PCDHA11: variants seen among roughly 807,000 people sequenced by gnomAD.
PCDHA11 encodes the protein protocadherin alpha-11.
A neutral mutation model predicts 70.3 loss-of-function variants in PCDHA11; 61 were observed. The ratio of observed to expected loss-of-function variants is 0.87; its 90% CI spans 0.71 to 1.07. PCDHA11 has a LOEUF of 1.07. PCDHA11 is among the 50% of genes least tolerant of loss of function. PCDHA11 has a pLI of 0.00. For synonymous variants in PCDHA11, 633 were observed against 555.1 expected, an observed-to-expected ratio of 1.14 and a Z score of -1.97; for missense variants, 1,324 against 1,237.5, an observed-to-expected ratio of 1.07 and a Z score of -1.05.
chr5:140,882,605 C>T (rs1554174797), intron 1 of PCDHA11: 2 of 1,614,120 alleles, frequency 1.2e-6, no homozygotes, highest in Non-Finnish European at 1.7e-6. Context: ...CGTGGACAGG[C>T]CTCTGCAGGT....
Position 140,871,301 on chromosome 5 carries a change from CGGG to C in PCDHA11, c.2200_2202del (p.Gly734del). The C allele has an allele frequency of 6.2e-7, 1 of 1,613,916 alleles. No individual in the cohort carries two copies. Among genetic ancestry groups the C allele is most frequent in the East Asian group, 2.2e-5 (1 of 44,882 alleles). ...ACGCCCACTGAGGGCGCGTGCGCGC[CGGG>C]GAAGCCCACGCTGGTGTGCTCCCGC... is the stretch of plus-strand genomic sequence containing the variant. On this transcript the variant is annotated inframe_deletion, in exon 1 of 4. Transcript: ENST00000398640.
At chr5:140,902,558 T>G (rs2069554536) in intron 1 of PCDHA11, among the ~76,000 whole-genome samples, 2 of 152,242 alleles carry the variant, frequency 1.3e-5, no homozygotes, top group South Asian at 4.1e-4. Context: ...ACCCAGATTT[T>G]TGAGGGTTTT....
intron 3 of PCDHA11, among the ~76,000 whole-genome samples, chr5:141,008,816 C>T (rs2098391999): frequency 6.6e-6 from 1 of 152,190 alleles, no homozygotes; most frequent in African/African-American, 2.4e-5. Context: ...GCTCAATTTA[C>T]AACAGGATTC....
At chr5:140,985,317 A>C (rs1457089100) in intron 3 of PCDHA11, among the ~76,000 whole-genome samples, 1 of 152,134 alleles carries the variant, frequency 6.6e-6, no homozygotes, top group Non-Finnish European at 1.5e-5. Flanking sequence ...TGGTGGCCAG[A>C]ATTCAGTAGT....
chr5:140,966,641 A>T, intron 1 of PCDHA11: 1 of 1,104,530 alleles, frequency 9.1e-7, no homozygotes, highest in South Asian at 2.2e-5. Flanking sequence ...GGCGCTTTCT[A>T]GAGCGTGAGC....
rs142949338 is a variant in PCDHA11 at position 140,927,554 on chromosome 5, T to G, written c.2392-51395T>G. On this transcript the variant is annotated intron_variant, in intron 1 of 3. Coordinates refer to ENST00000398640, the MANE Select transcript of PCDHA11 (RefSeq NM_018902.5). ...CGCTCAGGAGACGCACAAGTCACCA[T>G]CATTGTGGTGGACACAAATGACAAC... The G allele has an allele frequency of 5.6e-6, 9 of 1,614,020 alleles. No individual in the cohort carries two copies. The African/African-American group carries it at 1.1e-4, about 19-fold the overall frequency.
intron 1 of PCDHA11, among the ~76,000 whole-genome samples, chr5:140,890,263 A>G (rs1357896634): frequency 6.6e-6 from 1 of 152,194 alleles, no homozygotes; most frequent in Admixed American, 6.5e-5. Flanking sequence ...ACCTGATTGC[A>G]AGCAAGAACC....
chr5:140,997,384 A>T (rs2097769179), intron 3 of PCDHA11, among the ~76,000 whole-genome samples: 1 of 152,198 alleles, frequency 6.6e-6, no homozygotes, highest in South Asian at 2.1e-4. Context: ...AGCATACTAC[A>T]CACTTAGGCT....
At chr5:140,969,162 C>T in intron 1 of PCDHA11, 1 of 1,614,110 alleles carries the variant, frequency 6.2e-7, no homozygotes, top group Non-Finnish European at 8.5e-7. Flanking sequence ...TGTCTGACAG[C>T]AGGCTCAGGG....
rs1554163384 is a variant in PCDHA11, at chr5:140,869,729, A to C, written c.626A>C (p.Asn209Thr). The C allele has an allele frequency of 6.2e-7, 1 of 1,613,280 alleles. No homozygotes were observed. Among genetic ancestry groups the C allele is most frequent in the Admixed American group, 1.7e-5 (1 of 59,992 alleles). The change falls in exon 1 of 4, where the codon AAT becomes ACT. Residue 209 changes from asparagine to threonine, a missense_variant. Physicochemically the swap from Asn to Thr is moderately conservative, Grantham distance 65. Coordinates refer to ENST00000398640, the MANE Select transcript of PCDHA11 (RefSeq NM_018902.5). ...GATAGAGAGAAAACTCCGGAACTTA[A>C]TTTGCTGCTAACAGCTACAGACGGG... is the stretch of plus-strand genomic sequence containing the variant. ...SLDREKTPEL[N>T]LLLTATDGGK...
intron 1 of PCDHA11, among the ~76,000 whole-genome samples, chr5:140,902,686 A>G (rs1038713623): frequency 2.0e-5 from 3 of 152,090 alleles, no homozygotes; most frequent in Non-Finnish European, 4.4e-5. Context: ...CGTACCTAAT[A>G]TGTGTAGTCT....
At chr5:140,874,970 G>A (rs186825854) in intron 1 of PCDHA11, among the ~76,000 whole-genome samples, 1 of 152,280 alleles carries the variant, frequency 6.6e-6, no homozygotes, top group Admixed American at 6.5e-5. Flanking sequence ...AAGGGGAGGG[G>A]TGCTGTATAT....
chr5:140,972,294 C>T (rs944183626), intron 1 of PCDHA11, among the ~76,000 whole-genome samples: 14 of 151,458 alleles, frequency 9.2e-5, no homozygotes, highest in South Asian at 2.1e-4. Context: ...TGTGCGCCAC[C>T]GTGTCTGACT....
chr5:140,927,322 A>T (rs782465180), intron 1 of PCDHA11: 1 of 1,613,780 alleles, frequency 6.2e-7, no homozygotes, highest in Non-Finnish European at 8.5e-7. Flanking sequence ...AGCCCGCTTT[A>T]CTCTCCCGAA....
At chr5:140,963,952 G>T (rs1466185819) in intron 1 of PCDHA11, among the ~76,000 whole-genome samples, 1 of 152,176 alleles carries the variant, frequency 6.6e-6, no homozygotes, top group Non-Finnish European at 1.5e-5. Context: ...TTAGTCACTG[G>T]CAGGAGTGTG....
At chr5:140,941,603 T>C (rs116946105) in intron 1 of PCDHA11, among the ~76,000 whole-genome samples, 1 of 152,024 alleles carries the variant, frequency 6.6e-6, no homozygotes, top group East Asian at 1.9e-4. Flanking sequence ...CCATGAGCCA[T>C]GGTGCCCAGC....
At chr5:140,919,175 T>C (rs1282672890) in intron 1 of PCDHA11, among the ~76,000 whole-genome samples, 1 of 152,248 alleles carries the variant, frequency 6.6e-6, no homozygotes, top group Non-Finnish European at 1.5e-5. Context: ...AGTTGCTATA[T>C]CTTCCTGATT....
At chr5:140,968,253 C>A (rs782229675) in intron 1 of PCDHA11, 3 of 1,613,908 alleles carry the variant, frequency 1.9e-6, no homozygotes, top group Non-Finnish European at 2.5e-6. Flanking sequence ...GCCACAGACC[C>A]AGATGAAAAG....
At chr5:140,904,471 C>G (rs2071156688) in intron 1 of PCDHA11, among the ~76,000 whole-genome samples, 1 of 151,730 alleles carries the variant, frequency 6.6e-6, no homozygotes, top group Non-Finnish European at 1.5e-5. Context: ...TGATTGGTGG[C>G]TATTTGGTCT....
Sources: gnomAD v4.1 joint callset for allele counts (sites outside exome capture counted in the v4.1 genomes callset) on GRCh38, gnomAD v4.1.1 for gene constraint, MANE v1.5 for transcripts, NCBI Gene and HGNC (gene_info 2026-07-23, HGNC 2026-07-21) for gene names.